The following GALK2 variants were observed in gnomAD, a reference collection of about 807,000 sequenced individuals.
GALK2 encodes the protein N-acetylgalactosamine kinase.
Under a neutral mutation model 52.4 loss-of-function variants are expected in GALK2, and 36 were observed. That is an observed-to-expected ratio of 0.69 (90% CI 0.53 to 0.91). The LOEUF is 0.91. GALK2 is among the 40% of genes least tolerant of loss of function. The pLI is 0.00. For synonymous variants in GALK2, 176 were observed against 199.1 expected (o/e 0.88, Z 0.98); for missense variants, 579 against 559.1 (o/e 1.04, Z -0.36).
At chr15:49,353,578 T>C (rs755804684) in intron 3 of GALK2, 16 of 152,040 alleles carry the variant, frequency 1.1e-4, no homozygotes, top group South Asian at 2.1e-4. Context: ...TTTTATGACA[T>C]TGACACCCAA....
chr15:49,270,871 C>T (rs900158386), intron 5 of GALK2, among the ~76,000 whole-genome samples: 2 of 152,026 alleles, frequency 1.3e-5, no homozygotes, highest in Non-Finnish European at 2.9e-5. Context: ...CATCGAATGC[C>T]CCTCTCTTCT....
downstream of GALK2, chr15:49,335,569 G>C: frequency 9.6e-7 from 1 of 1,039,004 alleles, no homozygotes; most frequent in Non-Finnish European, 1.5e-6. Flanking sequence ...CTTCACAGAG[G>C]AACCAAGGGG....
chr15:49,176,582 G>T (rs1424941148), intron 1 of GALK2, among the ~76,000 whole-genome samples: 1 of 152,092 alleles, frequency 6.6e-6, no homozygotes, highest in Non-Finnish European at 1.5e-5. Flanking sequence ...TTTTTGAGAG[G>T]ATCATGAAGT....
At chr15:49,309,617 G>GT (rs931776740) in intron 8 of GALK2, among the ~76,000 whole-genome samples, 206 of 145,606 alleles carry the variant, frequency 1.4e-3, no homozygotes, top group African/African-American at 3.2e-3. Flanking sequence ...AGTTGCTTGG[G>GT]TTTTTTTTTT....
chr15:49,256,309 T>A (rs2141594803), intron 5 of GALK2, among the ~76,000 whole-genome samples: 1 of 152,274 alleles, frequency 6.6e-6, no homozygotes, highest in African/African-American at 2.4e-5. Context: ...CCCGTCTAGA[T>A]AAATTGGTAT....
chr15:49,326,530 G>A (rs1431567257), intron 9 of GALK2, among the ~76,000 whole-genome samples: 6 of 152,062 alleles, frequency 3.9e-5, no homozygotes, highest in African/African-American at 2.4e-5. Context: ...GATTACAGGC[G>A]TGAGCCACTG....
intron 1 of GALK2, 78 bp from the exon 2 acceptor site, chr15:49,201,084 G>GTA (rs1189284528): frequency 6.2e-5 from 42 of 674,024 alleles, no homozygotes; most frequent in Non-Finnish European, 1.1e-4. Flanking sequence ...GTGTGTGTGT[G>GTA]TGTATGTATG....
At chr15:49,276,346 G>C (rs144947086) in intron 5 of GALK2, among the ~76,000 whole-genome samples, 62 of 152,290 alleles carry the variant, frequency 4.1e-4, no homozygotes, top group African/African-American at 1.4e-3. Context: ...AAAAGCCTTA[G>C]AATCACTTAG....
chr15:49,202,044 C>T (rs552475165), intron 2 of GALK2, among the ~76,000 whole-genome samples: 1 of 152,218 alleles, frequency 6.6e-6, no homozygotes, highest in Non-Finnish European at 1.5e-5. Context: ...GCTCTTATTG[C>T]CCAGGCTGGT....
At chr15:49,206,363 A>T (rs984059040) in intron 2 of GALK2, among the ~76,000 whole-genome samples, 2 of 151,970 alleles carry the variant, frequency 1.3e-5, no homozygotes, top group African/African-American at 4.8e-5. Flanking sequence ...TCTGTGAAGA[A>T]TGATGGTGGT....
chr15:49,363,318 C>A (rs1012339338), intron 3 of GALK2, among the ~76,000 whole-genome samples: 4 of 152,002 alleles, frequency 2.6e-5, no homozygotes, highest in African/African-American at 9.7e-5. Flanking sequence ...TTTTGTAATT[C>A]TTGTTGTAGA....
intron 3 of GALK2, chr15:49,225,214 G>T (rs1300677466): frequency 1.3e-5 from 6 of 455,826 alleles, no homozygotes; most frequent in Non-Finnish European, 2.2e-5. Flanking sequence ...GGTCTTCCGG[G>T]CTGCAGGGCT....
At chr15:49,316,478 G>GCT (rs2036422585) in intron 8 of GALK2, among the ~76,000 whole-genome samples, 1 of 150,450 alleles carries the variant, frequency 6.6e-6, no homozygotes, top group African/African-American at 2.5e-5. Flanking sequence ...GGTGGGGGTA[G>GCT]GGGGGAGGGA....
At chr15:49,311,798 G>A (rs1287957934) in intron 8 of GALK2, among the ~76,000 whole-genome samples, 1 of 152,228 alleles carries the variant, frequency 6.6e-6, no homozygotes, top group Non-Finnish European at 1.5e-5. Flanking sequence ...TAAGGCAGAT[G>A]TGTTACCCAG....
chr15:49,213,562 A>G (rs2089116511), intron 2 of GALK2, among the ~76,000 whole-genome samples: 1 of 151,234 alleles, frequency 6.6e-6, no homozygotes, highest in African/African-American at 2.4e-5. Context: ...ATCTTTTTCT[A>G]TTTTATTTTA....
At chr15:49,276,644 A>T (rs1215266138) in intron 5 of GALK2, among the ~76,000 whole-genome samples, 3 of 152,190 alleles carry the variant, frequency 2.0e-5, no homozygotes, top group Non-Finnish European at 2.9e-5. Flanking sequence ...AGACAGAAAA[A>T]GCATGAATAG....
chr15:49,346,183 T>C (rs2041477323), intron 3 of GALK2, among the ~76,000 whole-genome samples: 1 of 152,180 alleles, frequency 6.6e-6, no homozygotes, highest in East Asian at 1.9e-4. Context: ...TTTCAGAAAC[T>C]TGGGCCAGCT....
chr15:49,185,543 G>T (rs532280800), intron 1 of GALK2: 2 of 152,264 alleles, frequency 1.3e-5, no homozygotes, highest in South Asian at 2.1e-4. Flanking sequence ...TAAGTTCTTT[G>T]AAGAAACTCC....
At chr15:49,228,700 T>TATTTA (rs1216226128) in intron 3 of GALK2, among the ~76,000 whole-genome samples, 1 of 83,622 alleles carries the variant, frequency 1.2e-5, no homozygotes, top group African/African-American at 5.1e-5. Flanking sequence ...TTTTTTTTTT[T>TATTTA]TTTTTTTTTT....
Sources: allele counts gnomAD v4.1 joint callset (sites outside exome capture counted in the v4.1 genomes callset), GRCh38; gene constraint gnomAD v4.1.1; transcripts MANE v1.5; gene names NCBI Gene and HGNC (gene_info 2026-07-23, HGNC 2026-07-21).